PSMA1: variants seen among roughly 807,000 people sequenced by gnomAD.
The protein encoded by PSMA1 is proteasome 20S subunit alpha 1, also known as proteasome subunit alpha type-1.
PSMA1 carries 3 observed loss-of-function variants against 38.4 expected under a neutral mutation model. The observed-to-expected ratio is 0.08, with a 90% CI of 0.04 to 0.20. PSMA1 has a LOEUF of 0.20. Ranked by LOEUF, PSMA1 falls within the 10% of genes least tolerant of loss-of-function variation. PSMA1 has a pLI of 1.00. For missense variants in PSMA1, 227 were observed against 325.3 expected (o/e 0.70, Z 2.32); for synonymous variants, 101 against 107.1 (o/e 0.94, Z 0.35).
chr11:14,627,868 T>C (rs964999973), intron 1 of PSMA1, among the ~76,000 whole-genome samples: 3 of 152,204 alleles, frequency 2.0e-5, no homozygotes, highest in African/African-American at 4.8e-5. Flanking sequence ...TTAAGACAGA[T>C]TTTAAATCTC....
chr11:14,597,065 T>G (rs1401947620), intron 2 of PSMA1, among the ~76,000 whole-genome samples: 1 of 152,250 alleles, frequency 6.6e-6, no homozygotes, highest in Non-Finnish European at 1.5e-5. Context: ...TTGCGTATAT[T>G]GAACCAGCCT....
chr11:14,606,192 G>A (rs970786161), intron 2 of PSMA1, among the ~76,000 whole-genome samples: 13 of 152,232 alleles, frequency 8.5e-5, no homozygotes, highest in South Asian at 6.2e-4. Context: ...GGCTATAAGC[G>A]TGCAGCTTTA....
intron 2 of PSMA1, among the ~76,000 whole-genome samples, chr11:14,576,646 T>A (rs1852220277): frequency 6.6e-6 from 1 of 152,224 alleles, no homozygotes; most frequent in Non-Finnish European, 1.5e-5. Context: ...TATATCTCTG[T>A]TTTGGTTCCA....
intron 2 of PSMA1, among the ~76,000 whole-genome samples, chr11:14,551,107 T>C (rs1851879504): frequency 6.6e-6 from 1 of 152,216 alleles, no homozygotes; most frequent in Admixed American, 6.5e-5. Context: ...TTCACTATTA[T>C]CATACATGCC....
intron 1 of PSMA1, chr11:14,611,300 C>T: frequency 3.0e-6 from 1 of 337,268 alleles, no homozygotes. Context: ...AATGGATGTT[C>T]CCCACGTGGA....
chr11:14,529,181 A>T (rs1851619743), intron 2 of PSMA1, among the ~76,000 whole-genome samples: 1 of 152,172 alleles, frequency 6.6e-6, no homozygotes, highest in African/African-American at 2.4e-5. Context: ...TTTTAAAAGA[A>T]TCAAATAAAA....
At chr11:14,614,943 A>G (rs981955099) in intron 1 of PSMA1, among the ~76,000 whole-genome samples, 6 of 152,176 alleles carry the variant, frequency 3.9e-5, no homozygotes, top group African/African-American at 1.4e-4. Context: ...GCGGATCCTC[A>G]TTAACTACAG....
chr11:14,588,922 A>T (rs1024511934), intron 2 of PSMA1, among the ~76,000 whole-genome samples: 6 of 152,172 alleles, frequency 3.9e-5, no homozygotes, highest in African/African-American at 1.2e-4. Context: ...ATCTGCCTGG[A>T]GGAATTTTAT....
intron 2 of PSMA1, among the ~76,000 whole-genome samples, chr11:14,531,195 G>A (rs1851644162): frequency 6.6e-6 from 1 of 151,904 alleles, no homozygotes; most frequent in Non-Finnish European, 1.5e-5. Context: ...TTATTACATG[G>A]GTAGATTGCG....
chr11:14,570,053 T>C (rs1286332296), intron 2 of PSMA1, among the ~76,000 whole-genome samples: 1 of 152,186 alleles, frequency 6.6e-6, no homozygotes, highest in Non-Finnish European at 1.5e-5. Flanking sequence ...TGTTCTGCAA[T>C]ATTTGCTGTT....
chr11:14,549,220 A>C (rs1170280721), intron 2 of PSMA1, among the ~76,000 whole-genome samples: 2 of 152,186 alleles, frequency 1.3e-5, no homozygotes, highest in African/African-American at 4.8e-5. Flanking sequence ...TAACTTAATA[A>C]AATCTTCTGG....
intron 2 of PSMA1, among the ~76,000 whole-genome samples, chr11:14,564,264 C>T (rs1852043326): frequency 6.6e-6 from 1 of 152,092 alleles, no homozygotes; most frequent in Non-Finnish European, 1.5e-5. Flanking sequence ...ATAATTTTGT[C>T]ATCTGAAGAA....
chr11:14,508,441 A>G (rs1358141763), intron 8 of PSMA1, among the ~76,000 whole-genome samples: 1 of 151,704 alleles, frequency 6.6e-6, no homozygotes, highest in Non-Finnish European at 1.5e-5. Context: ...TTTCCTCATA[A>G]ATGCTTCCCT....
At chr11:14,512,196 G>A (rs1851355388) in intron 7 of PSMA1, among the ~76,000 whole-genome samples, 1 of 152,136 alleles carries the variant, frequency 6.6e-6, no homozygotes, top group African/African-American at 2.4e-5. Context: ...CCAACATGGA[G>A]AAACCCCGTC....
chr11:14,610,914 G>C, intron 2 of PSMA1: 1 of 1,565,854 alleles, frequency 6.4e-7, no homozygotes. Context: ...CACATAGTGA[G>C]ATGTGAAATC....
intron 2 of PSMA1, among the ~76,000 whole-genome samples, chr11:14,586,615 TTAGG>T (rs1446711998): frequency 1.3e-5 from 2 of 152,202 alleles, no homozygotes; most frequent in African/African-American, 4.8e-5. Flanking sequence ...GGGAAAATAC[TTAGG>T]TAGTTTTTTC....
intron 2 of PSMA1, among the ~76,000 whole-genome samples, chr11:14,559,687 C>G (rs892665824): frequency 6.6e-6 from 1 of 152,186 alleles, no homozygotes; most frequent in Non-Finnish European, 1.5e-5. Context: ...ATGAACTTTA[C>G]AGACAAAGAT....
chr11:14,572,725 A>G (rs1417449217), intron 2 of PSMA1, among the ~76,000 whole-genome samples: 1 of 152,174 alleles, frequency 6.6e-6, no homozygotes, highest in African/African-American at 2.4e-5. Context: ...TGAATCCAGG[A>G]GCTGGTTTTT....
rs546296627 is a variant in PSMA1, at chr11:14,572,499, G to C, written c.21+38467C>G. ...GAGACACAACATACCAGAAACTCTGGGACACATTTAAAGCAGTGTGTAGAG... is the reference window on the plus strand; with the variant it reads ...GAGACACAACATACCAGAAACTCTGCGACACATTTAAAGCAGTGTGTAGAG... On this transcript the variant is annotated intron_variant, in intron 2 of 10. Coordinates refer to the PSMA1 transcript ENST00000418988. 5.9e-5 allele frequency among the ~76,000 whole-genome samples: 9 copies of C among 152,178 alleles called. No homozygotes were observed. In the South Asian group the frequency reaches 1.2e-3, roughly 21 times the overall value.
Sources: gnomAD v4.1 joint callset for allele counts (sites outside exome capture counted in the v4.1 genomes callset) on GRCh38, gnomAD v4.1.1 for gene constraint, MANE v1.5 for transcripts, NCBI Gene and HGNC (gene_info 2026-07-23, HGNC 2026-07-21) for gene names.